Variants in GAP43 observed in about 807,000 individuals in gnomAD.
The protein encoded by GAP43 is growth associated protein 43.
A neutral mutation model predicts 18.6 loss-of-function variants in GAP43; 6 were observed. The observed-to-expected ratio is 0.32, with a 90% CI of 0.18 to 0.64. The LOEUF (loss-of-function observed/expected upper bound fraction) is 0.64. Ranked by LOEUF, GAP43 falls within the 30% of genes least tolerant of loss-of-function variation. The pLI is 0.78. For missense variants in GAP43, 292 were observed against 295.5 expected (o/e 0.99, Z 0.09); for synonymous variants, 115 against 111.4 (o/e 1.03, Z -0.20).
intron 1 of GAP43, among the ~76,000 whole-genome samples, chr3:115,654,394 A>T (rs757371457): frequency 3.9e-5 from 6 of 152,184 alleles, no homozygotes; most frequent in Non-Finnish European, 8.8e-5. Context: ...CTTACTAAAG[A>T]CCCCAGCTCA....
At chr3:115,658,706 T>C (rs909208039) in intron 1 of GAP43, 3 of 152,180 alleles carry the variant, frequency 2.0e-5, no homozygotes, top group Non-Finnish European at 4.4e-5. Context: ...GGGAGGCCTC[T>C]TGCTCCCCGA....
chr3:115,649,151 C>T (rs754692249), intron 1 of GAP43, among the ~76,000 whole-genome samples: 3 of 152,048 alleles, frequency 2.0e-5, no homozygotes, highest in Non-Finnish European at 4.4e-5. Flanking sequence ...TATGCTGATC[C>T]AGGCACCAAC....
intron 1 of GAP43, among the ~76,000 whole-genome samples, chr3:115,629,914 T>C (rs1489031836): frequency 6.6e-6 from 1 of 152,218 alleles, no homozygotes; most frequent in Non-Finnish European, 1.5e-5. Flanking sequence ...TCAGTGATTC[T>C]TGTTATTCAC....
intron 1 of GAP43, among the ~76,000 whole-genome samples, chr3:115,669,089 C>CACAT (rs1553722270): frequency 2.1e-4 from 31 of 151,178 alleles, no homozygotes; most frequent in African/African-American, 7.3e-4. Flanking sequence ...CACACACACA[C>CACAT]ACAGAAAAAT....
intron 1 of GAP43, among the ~76,000 whole-genome samples, chr3:115,648,048 T>C (rs1222449430): frequency 6.6e-6 from 1 of 152,150 alleles, no homozygotes; most frequent in East Asian, 1.9e-4. Context: ...AAGAAAAGTC[T>C]CTGCCAATAC....
intron 1 of GAP43, among the ~76,000 whole-genome samples, chr3:115,629,294 A>G (rs1441463596): frequency 6.6e-6 from 1 of 152,168 alleles, no homozygotes. Flanking sequence ...TATCTTTACA[A>G]AATGCAAATC....
chr3:115,642,680 C>T (rs999867589), intron 1 of GAP43, among the ~76,000 whole-genome samples: 1 of 152,026 alleles, frequency 6.6e-6, no homozygotes, highest in African/African-American at 2.4e-5. Flanking sequence ...GATCTAAAGA[C>T]TTAAGTACCA....
chr3:115,701,301 C>T (rs1709294404), intron 2 of GAP43, among the ~76,000 whole-genome samples: 1 of 152,052 alleles, frequency 6.6e-6, no homozygotes, highest in Non-Finnish European at 1.5e-5. Flanking sequence ...CTCTGAGCCC[C>T]TCTGTGAGAT....
At chr3:115,702,411 A>G (rs1017873645) in intron 2 of GAP43, among the ~76,000 whole-genome samples, 4 of 152,070 alleles carry the variant, frequency 2.6e-5, no homozygotes, top group Non-Finnish European at 5.9e-5. Flanking sequence ...ATGTTAGGGG[A>G]CAGAAAGAAA....
intron 2 of GAP43, among the ~76,000 whole-genome samples, chr3:115,692,720 T>G (rs1267481616): frequency 6.6e-6 from 1 of 152,088 alleles, no homozygotes; most frequent in Non-Finnish European, 1.5e-5. Context: ...CAACAGCAAA[T>G]AGAGGGTGGT....
In GAP43 at chr3:115,691,325, G is replaced by A. The variant is rs750543009; in HGVS notation, c.628+14715G>A. 6.4e-4 allele frequency among the ~76,000 whole-genome samples: 97 copies of A among 152,298 alleles called. 2 individuals are homozygous for A. The highest frequency in any genetic ancestry group is 5.8e-3 in the Admixed American group (88 of 15,304). On this transcript the variant is annotated intron_variant, in intron 2 of 2. Transcript: ENST00000305124. ...CTCTTGCTTGGAGGCCTGCAGTGGA[G>A]GAGAAATATCAGAGCGATCTTGGAA... is the stretch of plus-strand genomic sequence containing the variant.
chr3:115,669,500 T>C (rs905608421), intron 1 of GAP43, among the ~76,000 whole-genome samples: 2 of 152,204 alleles, frequency 1.3e-5, no homozygotes, highest in Non-Finnish European at 2.9e-5. Flanking sequence ...CTAAGTAAAA[T>C]AGACAAGGTA....
intron 2 of GAP43, among the ~76,000 whole-genome samples, chr3:115,691,716 A>G (rs1709118124): frequency 6.6e-6 from 1 of 152,150 alleles, no homozygotes; most frequent in Non-Finnish European, 1.5e-5. Context: ...AGTCTATTCT[A>G]TTTGGCCTAC....
intron 2 of GAP43, among the ~76,000 whole-genome samples, chr3:115,703,452 T>C (rs975183384): frequency 1.3e-5 from 2 of 151,982 alleles, no homozygotes; most frequent in African/African-American, 4.8e-5. Context: ...TCTGGAATAA[T>C]TTACAGAAGA....
At chr3:115,628,586 C>G (rs899409870) in intron 1 of GAP43, among the ~76,000 whole-genome samples, 3 of 152,110 alleles carry the variant, frequency 2.0e-5, no homozygotes, top group African/African-American at 7.2e-5. Context: ...TTTGATGTCT[C>G]TTTGGCATTT....
intron 1 of GAP43, among the ~76,000 whole-genome samples, chr3:115,638,658 T>C (rs1251868358): frequency 6.6e-6 from 1 of 151,968 alleles, no homozygotes; most frequent in Non-Finnish European, 1.5e-5. Flanking sequence ...AATTGTGTTA[T>C]TTCATGGAAT....
intron 2 of GAP43, among the ~76,000 whole-genome samples, chr3:115,695,620 C>A (rs1217550177): frequency 6.6e-6 from 1 of 152,156 alleles, no homozygotes; most frequent in Admixed American, 6.5e-5. Context: ...CATTCAAAGT[C>A]AGGCAGTCTA....
chr3:115,681,485 T>A (rs1708957451), intron 2 of GAP43, among the ~76,000 whole-genome samples: 1 of 152,176 alleles, frequency 6.6e-6, no homozygotes, highest in Non-Finnish European at 1.5e-5. Context: ...GGATATTCTC[T>A]GTCCTACCTG....
In GAP43 at chr3:115,721,282, G is replaced by A. The variant is rs1345637305; in HGVS notation, c.*400G>A. ...GTGTGCAATGTTCCGTTCATCTGAG[G>A]AGTCCAAAATATCGAGTGAATTCAA... On this transcript the variant is annotated 3_prime_UTR_variant, in exon 3 of 3. Coordinates refer to ENST00000305124, the MANE Select transcript of GAP43 (RefSeq NM_002045.4). The A allele has an allele frequency of 6.5e-6, 1 of 153,298 alleles. No homozygotes were observed. Among genetic ancestry groups the A allele is most frequent in the Admixed American group, 6.6e-5 (1 of 15,262 alleles). The allele number at this position is 153,298 out of a possible 1,614,324, so 9.5% of individuals were successfully genotyped here.
Sources: gnomAD v4.1 joint callset for allele counts (sites outside exome capture counted in the v4.1 genomes callset) on GRCh38, gnomAD v4.1.1 for gene constraint, MANE v1.5 for transcripts, NCBI Gene and HGNC (gene_info 2026-07-23, HGNC 2026-07-21) for gene names.